The following RNF180 variants were observed in gnomAD, a reference collection of about 807,000 sequenced individuals.
RNF180 encodes the protein E3 ubiquitin-protein ligase RNF180.
RNF180 carries 38 observed loss-of-function variants against 59.2 expected under a neutral mutation model. That is an observed-to-expected ratio of 0.64 (90% CI 0.50 to 0.84). RNF180 has a LOEUF of 0.84. Ranked by LOEUF, RNF180 falls within the 40% of genes least tolerant of loss-of-function variation. RNF180 has a pLI of 0.00. For synonymous variants in RNF180, 262 were observed against 240.3 expected, an observed-to-expected ratio of 1.09 and a Z score of -0.84; for missense variants, 705 against 700.9, an observed-to-expected ratio of 1.01 and a Z score of -0.07.
intron 5 of RNF180, among the ~76,000 whole-genome samples, chr5:64,230,646 A>T (rs1742043448): frequency 6.6e-6 from 1 of 152,124 alleles, no homozygotes; most frequent in Non-Finnish European, 1.5e-5. Context: ...TTAATTCCCC[A>T]CTGCCATTTA....
rs930922108 is a variant in RNF180, at chr5:64,371,338, T to C, written c.*1524T>C. On this transcript the variant is annotated 3_prime_UTR_variant, in exon 8 of 8. Transcript: ENST00000389100. ...GGAAAATATCAGCTCTCTTAAAATA[T>C]ATAGCAAGATTGAAAACACACATAT... 9 of 151,648 alleles carry C rather than the reference T, an allele frequency of 5.9e-5. No individual in the cohort carries two copies. Among genetic ancestry groups the C allele is most frequent in the Non-Finnish European group, 1.0e-4 (7 of 67,710 alleles). 9.4% of individuals were successfully genotyped at this position (151,648 alleles called of 1,614,324 possible).
intron 5 of RNF180, among the ~76,000 whole-genome samples, chr5:64,246,616 T>A (rs1189179373): frequency 6.6e-6 from 1 of 152,188 alleles, no homozygotes; most frequent in African/African-American, 2.4e-5. Context: ...GAGGCAATAA[T>A]TAATAGCCTA....
chr5:64,343,974 A>T (rs1012607035), intron 7 of RNF180, among the ~76,000 whole-genome samples: 10 of 151,686 alleles, frequency 6.6e-5, no homozygotes, highest in African/African-American at 2.2e-4. Context: ...AACTGAAGAC[A>T]GACATCAGTA....
At chr5:64,268,156 G>A (rs1339550073) in intron 5 of RNF180, among the ~76,000 whole-genome samples, 1 of 152,086 alleles carries the variant, frequency 6.6e-6, no homozygotes, top group Non-Finnish European at 1.5e-5. Context: ...TCACAAGGTG[G>A]TGATGGTGAA....
intron 5 of RNF180, among the ~76,000 whole-genome samples, chr5:64,263,496 CTG>C (rs1744473026): frequency 6.6e-6 from 1 of 152,098 alleles, no homozygotes; most frequent in African/African-American, 2.4e-5. Context: ...AACCTTTTAA[CTG>C]TGTTATTTTT....
At chr5:64,267,051 G>T (rs2112338075) in intron 5 of RNF180, among the ~76,000 whole-genome samples, 1 of 152,144 alleles carries the variant, frequency 6.6e-6, no homozygotes, top group Admixed American at 6.6e-5. Flanking sequence ...ATCAGACTGT[G>T]GTGAGACATT....
intron 5 of RNF180, among the ~76,000 whole-genome samples, chr5:64,227,370 G>A (rs1157800025): frequency 6.6e-6 from 1 of 152,166 alleles, no homozygotes; most frequent in Non-Finnish European, 1.5e-5. Flanking sequence ...GTGGGTACCG[G>A]GCACCAGCCT....
Position 64,257,348 on chromosome 5 carries a change from A to G in RNF180, c.1227+39952A>G, listed in dbSNP as rs549924384. On this transcript the variant is annotated intron_variant, in intron 5 of 7. Transcript: ENST00000389100. ...GATATTGGCTGTGGGTCTGTCATAA[A>G]TAGCTCTTATTATTTTGAGATATGT... Among the ~76,000 whole-genome samples, 57 of 152,312 alleles carry G rather than the reference A, an allele frequency of 3.7e-4. No homozygotes were observed. The South Asian group carries it at 0.01, about 27-fold the overall frequency.
At chr5:64,193,800 T>C (rs1751303944) in intron 1 of RNF180, among the ~76,000 whole-genome samples, 1 of 152,190 alleles carries the variant, frequency 6.6e-6, no homozygotes, top group Non-Finnish European at 1.5e-5. Flanking sequence ...ACATCTGTGA[T>C]TTCTTGTCTC....
In RNF180 at chr5:64,213,756, C is replaced by T; in HGVS notation, c.430C>T (p.Gln144Ter). ...SVKYLSHPRV[Q>*]SGCDKEALLT... ...GAAATACTTGTCACATCCTAGAGTT[C>T]AGTCAGGTTGTGACAAGGAAGCTCT... The change falls in exon 4 of 8, where the codon CAG (glutamine) becomes TAG (stop). Residue 144 changes from glutamine to a stop codon, truncating the protein, a stop_gained. Transcript: ENST00000389100. LOFTEE classifies it high-confidence loss of function. 6.2e-7 allele frequency: 1 copy of T among 1,614,142 alleles called. No individual in the cohort carries two copies.
intron 5 of RNF180, among the ~76,000 whole-genome samples, chr5:64,249,105 G>T (rs1334585894): frequency 6.6e-6 from 1 of 152,182 alleles, no homozygotes; most frequent in East Asian, 1.9e-4. Flanking sequence ...GGCCTGTCAG[G>T]AGAGGGTGGC....
At chr5:64,282,871 GGTT>G (rs1227351122) in intron 5 of RNF180, among the ~76,000 whole-genome samples, 1 of 152,126 alleles carries the variant, frequency 6.6e-6, no homozygotes, top group Non-Finnish European at 1.5e-5. Context: ...TCAAGAGTGT[GGTT>G]GTTATGATTT....
At chr5:64,167,887 A>G (rs1749736149) in intron 1 of RNF180, among the ~76,000 whole-genome samples, 1 of 152,200 alleles carries the variant, frequency 6.6e-6, no homozygotes, top group African/African-American at 2.4e-5. Flanking sequence ...TCATAGGGAT[A>G]TTTGGGGAAT....
At chr5:64,354,965 C>T (rs1334039451) in intron 7 of RNF180, among the ~76,000 whole-genome samples, 1 of 151,838 alleles carries the variant, frequency 6.6e-6, no homozygotes, top group Non-Finnish European at 1.5e-5. Flanking sequence ...TAGCTAACAC[C>T]ACACATTTGT....
At chr5:64,273,780 T>TGAA (rs1741563812) in intron 5 of RNF180, among the ~76,000 whole-genome samples, 1 of 151,688 alleles carries the variant, frequency 6.6e-6, no homozygotes, top group Non-Finnish European at 1.5e-5. Context: ...ACTAAGAAAA[T>TGAA]TTTATTTTAT....
chr5:64,323,295 A>C (rs1042512886), intron 5 of RNF180, among the ~76,000 whole-genome samples: 4 of 152,164 alleles, frequency 2.6e-5, no homozygotes, highest in Non-Finnish European at 4.4e-5. Flanking sequence ...TAATCCCAGC[A>C]CTTTGGGGGC....
intron 7 of RNF180, among the ~76,000 whole-genome samples, chr5:64,348,254 T>C (rs886501946): frequency 2.2e-4 from 34 of 152,234 alleles, no homozygotes; most frequent in Admixed American, 4.6e-4. Flanking sequence ...AGGTACTGTG[T>C]GTTCTTTCGT....
At chr5:64,225,678 G>A (rs1283467862) in intron 5 of RNF180, among the ~76,000 whole-genome samples, 39 of 121,920 alleles carry the variant, frequency 3.2e-4, no homozygotes, top group African/African-American at 6.6e-4. Flanking sequence ...CGGCTGCCCC[G>A]TCTGGGAAGT....
chr5:64,254,884 C>T (rs1743836076), intron 5 of RNF180, among the ~76,000 whole-genome samples: 1 of 152,090 alleles, frequency 6.6e-6, no homozygotes. Context: ...TTGGTCAGTA[C>T]ATCTGAGCCA....
Sources: allele counts gnomAD v4.1 joint callset (sites outside exome capture counted in the v4.1 genomes callset), GRCh38; gene constraint gnomAD v4.1.1; transcripts MANE v1.5; gene names NCBI Gene and HGNC (gene_info 2026-07-23, HGNC 2026-07-21).